The following LARGE1 variants were observed in gnomAD, a reference collection of about 807,000 sequenced individuals.
The protein encoded by LARGE1 is xylosyl- and glucuronyltransferase LARGE1.
In LARGE1, 43 loss-of-function variants were observed where a neutral mutation model predicts 87.6. That is an observed-to-expected ratio of 0.49 (90% confidence interval 0.38 to 0.63). The LOEUF is 0.63. LARGE1 is among the 30% of genes least tolerant of loss of function. The pLI is 0.00. For synonymous variants in LARGE1, 434 were observed against 394.6 expected, an observed-to-expected ratio of 1.10 and a Z score of -1.18; for missense variants, 802 against 1,000.2, an observed-to-expected ratio of 0.80 and a Z score of 2.67.
intron 1 of LARGE1, among the ~76,000 whole-genome samples, chr22:33,919,224 G>T (rs1299119166): frequency 6.6e-6 from 1 of 152,134 alleles, no homozygotes; most frequent in African/African-American, 2.4e-5. Flanking sequence ...TGTTCTGGGG[G>T]AAGCTCACAG....
intron 6 of LARGE1, among the ~76,000 whole-genome samples, chr22:33,514,548 ATAAG>A (rs1485585710): frequency 1.3e-5 from 2 of 152,222 alleles, no homozygotes; most frequent in African/African-American, 4.8e-5. Flanking sequence ...GCTAGGTATT[ATAAG>A]TAATTTAGAG....
chr22:33,193,486 G>A (rs56218624), intron 11 of LARGE1, among the ~76,000 whole-genome samples: 4,586 of 152,242 alleles, frequency 0.03, 94 homozygotes, highest in Admixed American at 0.056. Flanking sequence ...GCATTAATGT[G>A]CTATACAGTG....
At chr22:33,704,070 T>C (rs773992635) in intron 2 of LARGE1, among the ~76,000 whole-genome samples, 1 of 152,244 alleles carries the variant, frequency 6.6e-6, no homozygotes, top group African/African-American at 2.4e-5. Flanking sequence ...AAGCGCTGAA[T>C]TGTCATATTT....
intron 2 of LARGE1, among the ~76,000 whole-genome samples, chr22:33,714,657 T>C (rs576876520): frequency 6.6e-6 from 1 of 152,352 alleles, no homozygotes; most frequent in South Asian, 2.1e-4. Flanking sequence ...GACTGTGGCA[T>C]GGTCCTATGT....
At chr22:33,335,578 G>A (rs1366847730) in intron 10 of LARGE1, among the ~76,000 whole-genome samples, 1 of 152,152 alleles carries the variant, frequency 6.6e-6, no homozygotes, top group Admixed American at 6.5e-5. Context: ...AAAAACAGCA[G>A]CAACAACAAT....
chr22:33,067,777 C>T, the LARGE1 span, among the ~76,000 whole-genome samples: 1 of 151,976 alleles, frequency 6.6e-6, no homozygotes, highest in Non-Finnish European at 1.5e-5. Flanking sequence ...GTCAGGAGTT[C>T]GAGACAAGCC....
At chr22:33,522,560 C>T (rs534998934) in intron 6 of LARGE1, among the ~76,000 whole-genome samples, 8 of 152,022 alleles carry the variant, frequency 5.3e-5, no homozygotes, top group African/African-American at 1.7e-4. Flanking sequence ...AGGCCAGGTG[C>T]GGTGGCTGAT....
At chr22:33,099,754 GCA>G in the LARGE1 span, among the ~76,000 whole-genome samples, 6,372 of 152,268 alleles carry the variant, frequency 0.042, 329 homozygotes, top group East Asian at 0.25. Context: ...ATAGGAAAAT[GCA>G]CAGATTGCTG....
intron 9 of LARGE1, among the ~76,000 whole-genome samples, chr22:33,340,963 A>G (rs899137556): frequency 3.3e-5 from 5 of 151,772 alleles, no homozygotes; most frequent in Non-Finnish European, 5.9e-5. Context: ...TATAGAGGAA[A>G]TGAAATAGCT....
chr22:33,175,269 A>G (rs993769228), intron 11 of LARGE1, among the ~76,000 whole-genome samples: 7 of 152,100 alleles, frequency 4.6e-5, no homozygotes, highest in African/African-American at 1.7e-4. Context: ...TATTCAATAT[A>G]GTATTGGAAG....
At chr22:33,568,823 A>G (rs2078109238) in intron 5 of LARGE1, among the ~76,000 whole-genome samples, 1 of 151,978 alleles carries the variant, frequency 6.6e-6, no homozygotes, top group Non-Finnish European at 1.5e-5. Context: ...TACAAAACAC[A>G]TATCTGGAAC....
intron 3 of LARGE1, among the ~76,000 whole-genome samples, chr22:33,638,973 T>C (rs747310579): frequency 3.2e-4 from 48 of 152,348 alleles, no homozygotes; most frequent in Non-Finnish European, 6.2e-4. Flanking sequence ...CACAAATGCC[T>C]AGACGTTCCT....
intron 9 of LARGE1, among the ~76,000 whole-genome samples, chr22:33,368,219 T>C (rs1304908617): frequency 1.3e-5 from 2 of 152,136 alleles, no homozygotes; most frequent in African/African-American, 4.8e-5. Flanking sequence ...TTTTTGTCTT[T>C]TGATATTTCA....
intron 9 of LARGE1, among the ~76,000 whole-genome samples, chr22:33,375,639 A>G (rs1569106915): frequency 6.6e-6 from 1 of 152,252 alleles, no homozygotes; most frequent in Admixed American, 6.5e-5. Context: ...ATGAATAAAA[A>G]TTATCAATTC....
chr22:33,364,107 T>C lies in LARGE1; in HGVS notation c.1131+17812A>G, dbSNP rs543525938. ...TCTCGCTCTGTCGCCCAGGCTGGAG[T>C]GCAGTGGCGCAATCTCGGCTCACTG... is the stretch of plus-strand genomic sequence containing the variant. On this transcript the variant is annotated intron_variant, in intron 9 of 14. Transcript: ENST00000397394. Among the ~76,000 whole-genome samples the C allele has an allele frequency of 3.1e-4, 41 of 130,600 alleles. 3 individuals carry two copies. Among genetic ancestry groups the C allele is most frequent in the South Asian group, 2.8e-3 (10 of 3,632 alleles). 85.7% of individuals were successfully genotyped at this position (130,600 alleles called of 152,430 possible).
chr22:33,246,039 T>A (rs1926741980), intron 11 of LARGE1, among the ~76,000 whole-genome samples: 1 of 152,252 alleles, frequency 6.6e-6, no homozygotes, highest in Non-Finnish European at 1.5e-5. Context: ...CTCAAGGAAC[T>A]GTCAAGCTTG....
At chr22:33,071,264 G>C in the LARGE1 span, among the ~76,000 whole-genome samples, 2 of 152,206 alleles carry the variant, frequency 1.3e-5, no homozygotes, top group African/African-American at 4.8e-5. Flanking sequence ...GGGAAGAGGA[G>C]CCACAGGCTA....
intron 1 of LARGE1, among the ~76,000 whole-genome samples, chr22:33,763,267 A>G (rs1486258365): frequency 6.6e-6 from 1 of 152,228 alleles, no homozygotes; most frequent in Non-Finnish European, 1.5e-5. Flanking sequence ...GTTGCCAATA[A>G]TAAACACCTA....
chr22:33,267,703 G>A (rs1928027696), downstream of LARGE1, among the ~76,000 whole-genome samples: 1 of 151,258 alleles, frequency 6.6e-6, no homozygotes, highest in African/African-American at 2.5e-5. Context: ...CTAGGCCGCT[G>A]CACATAAAGA....
Sources: allele counts gnomAD v4.1 joint callset (sites outside exome capture counted in the v4.1 genomes callset), GRCh38; gene constraint gnomAD v4.1.1; transcripts MANE v1.5; gene names NCBI Gene and HGNC (gene_info 2026-07-23, HGNC 2026-07-21).